Variants in OSBPL6 observed in about 807,000 individuals in gnomAD.
OSBPL6 encodes oxysterol binding protein like 6.
In OSBPL6, 49 loss-of-function variants were observed where a neutral mutation model predicts 125.8. The ratio of observed to expected loss-of-function variants is 0.39; its 90% confidence interval spans 0.31 to 0.49. OSBPL6 has a LOEUF of 0.49. OSBPL6 is among the 20% of genes least tolerant of loss of function. The pLI is 0.88. For missense variants in OSBPL6, 986 were observed against 1,135.4 expected (o/e 0.87, Z 1.89); for synonymous variants, 394 against 391.8 (o/e 1.01, Z -0.07).
chr2:178,258,226 G>A (rs988357915), intron 1 of OSBPL6, among the ~76,000 whole-genome samples: 21 of 151,908 alleles, frequency 1.4e-4, no homozygotes, highest in African/African-American at 4.6e-4. Flanking sequence ...TCAGCCTCCC[G>A]AGTAGCTGGG....
chr2:178,299,262 G>A (rs1207654137), intron 2 of OSBPL6, among the ~76,000 whole-genome samples: 1 of 152,114 alleles, frequency 6.6e-6, no homozygotes, highest in Admixed American at 6.5e-5. Flanking sequence ...TCATGGCCTT[G>A]ATAGCTCATA....
intron 4 of OSBPL6, among the ~76,000 whole-genome samples, chr2:178,327,422 C>T (rs1398960776): frequency 6.6e-6 from 1 of 152,068 alleles, no homozygotes; most frequent in Non-Finnish European, 1.5e-5. Flanking sequence ...AATAGAAGTG[C>T]CACTAAATAT....
At chr2:178,297,390 G>A (rs1187482906) in intron 2 of OSBPL6, among the ~76,000 whole-genome samples, 2 of 152,188 alleles carry the variant, frequency 1.3e-5, no homozygotes, top group Non-Finnish European at 2.9e-5. Context: ...TTGAGTCCAG[G>A]AGTTCAAGAG....
At chr2:178,200,247 C>CTTTTTTTTTT (rs767677596) in intron 1 of OSBPL6, among the ~76,000 whole-genome samples, 1 of 109,742 alleles carries the variant, frequency 9.1e-6, no homozygotes, top group Non-Finnish European at 1.8e-5. Flanking sequence ...TTCTTCAGAC[C>CTTTTTTTTTT]TTTTTTTTTT....
At chr2:178,232,121 C>G (rs2090857598) in intron 1 of OSBPL6, among the ~76,000 whole-genome samples, 1 of 152,064 alleles carries the variant, frequency 6.6e-6, no homozygotes, top group South Asian at 2.1e-4. Context: ...TAGCTTTCCT[C>G]TATTTGAAGC....
chr2:178,342,338 A>G (rs1690287254), intron 11 of OSBPL6, among the ~76,000 whole-genome samples: 2 of 152,164 alleles, frequency 1.3e-5, no homozygotes, highest in South Asian at 2.1e-4. Context: ...CTTTGTATTC[A>G]GTATTCCATA....
At chr2:178,374,333 G>A (rs904392377) in intron 15 of OSBPL6, among the ~76,000 whole-genome samples, 3 of 152,170 alleles carry the variant, frequency 2.0e-5, no homozygotes, top group East Asian at 3.8e-4. Context: ...TGACAGAGCT[G>A]TTTATAGAAG....
chr2:178,210,231 G>A (rs1188537666), intron 1 of OSBPL6, among the ~76,000 whole-genome samples: 3 of 151,878 alleles, frequency 2.0e-5, no homozygotes, highest in African/African-American at 7.3e-5. Context: ...CACCATGTTG[G>A]TCATGCTGGC....
intron 1 of OSBPL6, among the ~76,000 whole-genome samples, chr2:178,219,229 G>A (rs2090236017): frequency 6.6e-6 from 1 of 152,116 alleles, no homozygotes; most frequent in Non-Finnish European, 1.5e-5. Context: ...GCCAAGAATT[G>A]GGTTGCTTGC....
At chr2:178,395,410 G>T in intron 24 of OSBPL6, 41 bp from the exon 25 acceptor site, 1 of 1,442,766 alleles carries the variant, frequency 6.9e-7, no homozygotes, top group South Asian at 1.1e-5. Context: ...AGGTTACCTT[G>T]ATGTGATTCA....
intron 2 of OSBPL6, among the ~76,000 whole-genome samples, chr2:178,295,073 G>A (rs960840275): frequency 6.6e-6 from 1 of 152,058 alleles, no homozygotes; most frequent in Non-Finnish European, 1.5e-5. Context: ...ATGAAAACAA[G>A]TTCCTCTTTT....
chr2:178,268,615 T>C (rs746802198), intron 1 of OSBPL6, among the ~76,000 whole-genome samples: 10 of 152,218 alleles, frequency 6.6e-5, no homozygotes, highest in Non-Finnish European at 1.2e-4. Flanking sequence ...GAACTTCATA[T>C]AAATGGAATT....
At chr2:178,392,604 C>T in intron 23 of OSBPL6, 66 bp downstream of exon 23, 1 of 1,567,952 alleles carries the variant, frequency 6.4e-7, no homozygotes. Flanking sequence ...GCCTATAATC[C>T]CAGCACTTTA....
upstream of OSBPL6, among the ~76,000 whole-genome samples, chr2:178,194,095 G>A (rs1559099785): frequency 6.6e-6 from 1 of 152,242 alleles, no homozygotes; most frequent in Non-Finnish European, 1.5e-5. Flanking sequence ...AGCCGTTCTG[G>A]GCAACCCTCC....
At chr2:178,342,359 T>G (rs73032572) in intron 11 of OSBPL6, among the ~76,000 whole-genome samples, 4,767 of 151,546 alleles carry the variant, frequency 0.031, 235 homozygotes, top group African/African-American at 0.11. Flanking sequence ...GTAGTTGTCA[T>G]TTTGAAAAAA....
intron 24 of OSBPL6, 26 bp from the exon 25 acceptor site, chr2:178,395,425 T>C: frequency 6.6e-7 from 1 of 1,522,864 alleles, no homozygotes; most frequent in Non-Finnish European, 9.1e-7. Context: ...GATTCATGAC[T>C]AATGTTGATG....
chr2:178,291,152 A>G (rs1685223371), intron 2 of OSBPL6, among the ~76,000 whole-genome samples: 1 of 151,914 alleles, frequency 6.6e-6, no homozygotes, highest in African/African-American at 2.4e-5. Context: ...TTAGTCATTC[A>G]AAATTTCTGT....
chr2:178,232,954 A>G (rs1342080254), intron 1 of OSBPL6, among the ~76,000 whole-genome samples: 2 of 152,196 alleles, frequency 1.3e-5, no homozygotes, highest in Admixed American at 1.3e-4. Context: ...CTCTTTTAAA[A>G]CTTTCAGATA....
chr2:178,280,943 T>C (rs1419691364), intron 1 of OSBPL6, among the ~76,000 whole-genome samples: 13 of 152,134 alleles, frequency 8.5e-5, no homozygotes, highest in Non-Finnish European at 1.5e-5. Flanking sequence ...TCTTTTTCTG[T>C]GCAGAAACTC....
Sources: allele counts gnomAD v4.1 joint callset (sites outside exome capture counted in the v4.1 genomes callset), GRCh38; gene constraint gnomAD v4.1.1; transcripts MANE v1.5; gene names NCBI Gene and HGNC (gene_info 2026-07-23, HGNC 2026-07-21).